LAMTOR3: variants seen among roughly 807,000 people sequenced by gnomAD.
The protein encoded by LAMTOR3 is late endosomal/lysosomal adaptor, MAPK and MTOR activator 3.
A neutral mutation model predicts 20.3 loss-of-function variants in LAMTOR3; 14 were observed. The observed-to-expected ratio is 0.69, with a 90% confidence interval of 0.46 to 1.08. LAMTOR3 has a LOEUF of 1.08. LAMTOR3 is among the 50% of genes least tolerant of loss of function. LAMTOR3 has a pLI of 0.00. For synonymous variants in LAMTOR3, 40 were observed against 49.4 expected (o/e 0.81, Z 0.80); for missense variants, 125 against 143.7 (o/e 0.87, Z 0.67).
At chr4:99,890,430 T>C (rs1725001804) in intron 3 of LAMTOR3, among the ~76,000 whole-genome samples, 1 of 152,222 alleles carries the variant, frequency 6.6e-6, no homozygotes, top group Non-Finnish European at 1.5e-5. Context: ...GTACAACAGT[T>C]AAAAGCATGA....
chr4:99,893,363 C>T (rs553482552), intron 2 of LAMTOR3, among the ~76,000 whole-genome samples: 3 of 152,226 alleles, frequency 2.0e-5, no homozygotes, highest in Admixed American at 6.5e-5. Context: ...AGGAATTTCA[C>T]TGACAATTTA....
chr4:99,884,007 A>G (rs1279998099), intron 6 of LAMTOR3, 55 bp downstream of exon 6: 2 of 1,251,692 alleles, frequency 1.6e-6, no homozygotes, highest in East Asian at 2.4e-5. Context: ...TATGGTAATT[A>G]AATTAATTTT....
rs756359332 is a variant in LAMTOR3 at position 99,884,160 on chromosome 4, A to G, written c.238-35T>C. 4.6e-6 allele frequency: 7 copies of G among 1,512,826 alleles called. No individual in the cohort carries two copies. The Admixed American group carries it at 1.2e-4, about 25-fold the overall frequency. The allele number at this position is 1,512,826 out of a possible 1,614,324, so 93.7% of individuals were successfully genotyped here. ...AAATAAGAGCCAAATAATATGTTGCATTATGAAAAGGTAGTATAACTAAAC... is the reference window on the plus strand; with the variant it reads ...AAATAAGAGCCAAATAATATGTTGCGTTATGAAAAGGTAGTATAACTAAAC... On this transcript the variant is annotated intron_variant, in intron 5 of 6. Coordinates refer to ENST00000499666, the MANE Select transcript of LAMTOR3 (RefSeq NM_021970.4).
intron 2 of LAMTOR3, 103 bp downstream of exon 2, chr4:99,893,852 G>T: frequency 1.1e-6 from 1 of 877,384 alleles, no homozygotes; most frequent in South Asian, 2.5e-5. Context: ...GGGCTGGGAG[G>T]ATCAAAACAA....
intron 3 of LAMTOR3, among the ~76,000 whole-genome samples, chr4:99,888,644 A>G (rs564764264): frequency 5.3e-5 from 8 of 152,354 alleles, no homozygotes; most frequent in South Asian, 2.1e-4. Flanking sequence ...TAACTAAGGA[A>G]TAAGAAATAC....
At chr4:99,884,315 A>ATC (rs1233781198) in intron 5 of LAMTOR3, among the ~76,000 whole-genome samples, 190 bp from the exon 6 acceptor site, 1 of 152,192 alleles carries the variant, frequency 6.6e-6, no homozygotes, top group African/African-American at 2.4e-5. Flanking sequence ...ATTAGTGATG[A>ATC]TCTCTTAGAG....
intron 3 of LAMTOR3, among the ~76,000 whole-genome samples, chr4:99,890,733 A>C (rs945559531): frequency 6.6e-6 from 1 of 152,344 alleles, no homozygotes; most frequent in African/African-American, 2.4e-5. Flanking sequence ...GGATAAGCAC[A>C]ACAACCTGAT....
intron 6 of LAMTOR3, 141 bp downstream of exon 6, chr4:99,883,921 T>C: frequency 1.7e-6 from 1 of 604,522 alleles, no homozygotes; most frequent in East Asian, 2.8e-5. Flanking sequence ...TCCCAAGACA[T>C]GGAAAAAAGA....
intron 2 of LAMTOR3, 138 bp downstream of exon 2, chr4:99,893,817 A>T: frequency 1.7e-6 from 1 of 574,178 alleles, no homozygotes; most frequent in East Asian, 3.1e-5. Flanking sequence ...CAGATATCAG[A>T]GAAAATAATT....
intron 3 of LAMTOR3, among the ~76,000 whole-genome samples, chr4:99,890,348 C>CA (rs1724999976): frequency 1.3e-5 from 2 of 152,066 alleles, no homozygotes; most frequent in African/African-American, 4.8e-5. Context: ...GCAGAGAATT[C>CA]AAAAAACGCA....
chr4:99,893,355 G>A (rs1725059953), intron 2 of LAMTOR3, among the ~76,000 whole-genome samples: 1 of 152,032 alleles, frequency 6.6e-6, no homozygotes, highest in African/African-American at 2.4e-5. Context: ...CTTATCCCAG[G>A]AATTTCACTG....
Position 99,881,607 on chromosome 4 carries a change from T to G in LAMTOR3, c.*387A>C, listed in dbSNP as rs1343507440. On this transcript the variant is annotated 3_prime_UTR_variant, in exon 7 of 7. Coordinates refer to ENST00000499666, the MANE Select transcript of LAMTOR3 (RefSeq NM_021970.4). ...CCTTATTATTATTCACAATAAAAAG[T>G]TGGCTTTATTCTGCAAGCCTGGGCA... is the stretch of plus-strand genomic sequence containing the variant. The G allele has an allele frequency of 6.1e-6, 1 of 164,834 alleles. No individual in the cohort carries two copies. Among genetic ancestry groups the G allele is most frequent in the Non-Finnish European group, 1.3e-5 (1 of 76,796 alleles). 10.2% of individuals were successfully genotyped at this position (164,834 alleles called of 1,614,324 possible). A position where few individuals can be genotyped will look rare whatever the true frequency, so the allele number is the denominator to read the frequency against.
intron 5 of LAMTOR3, among the ~76,000 whole-genome samples, chr4:99,884,566 A>C (rs1724886629): frequency 6.6e-6 from 1 of 151,488 alleles, no homozygotes; most frequent in African/African-American, 2.4e-5. Context: ...AACTACCTTC[A>C]AAAAAAAAGA....
rs984452668 is a variant in LAMTOR3 at position 99,881,827 on chromosome 4, C to G, written c.*167G>C. ...GACCCTACACCAGAAAATATAGCAA[C>G]TGATCTATCTATAAATTACATCTAT... On this transcript the variant is annotated 3_prime_UTR_variant, in exon 7 of 7. Transcript: ENST00000499666. The G allele has an allele frequency of 8.2e-5, 48 of 588,482 alleles. No individual in the cohort carries two copies. The African/African-American group carries it at 9.2e-4, about 11-fold the overall frequency. The allele number at this position is 588,482 out of a possible 1,614,324, so 36.5% of individuals were successfully genotyped here. A position where few individuals can be genotyped will look rare whatever the true frequency, so the allele number is the denominator to read the frequency against.
intron 5 of LAMTOR3, among the ~76,000 whole-genome samples, chr4:99,884,909 G>C (rs1418444769): frequency 1.3e-5 from 2 of 151,830 alleles, no homozygotes; most frequent in Admixed American, 6.6e-5. Context: ...AGGCTGCAGT[G>C]AGCTGAGATC....
intron 6 of LAMTOR3, among the ~76,000 whole-genome samples, chr4:99,882,727 A>C (rs1578201666): frequency 6.6e-6 from 1 of 152,110 alleles, no homozygotes; most frequent in African/African-American, 2.4e-5. Context: ...TATTGAACAA[A>C]GAAAATCAGA....
chr4:99,886,474 T>C (rs923029729), intron 4 of LAMTOR3, among the ~76,000 whole-genome samples: 2 of 152,212 alleles, frequency 1.3e-5, no homozygotes, highest in Non-Finnish European at 2.9e-5. Flanking sequence ...TCAATGTGTA[T>C]TACAGAAATG....
intron 2 of LAMTOR3, among the ~76,000 whole-genome samples, chr4:99,892,507 T>C (rs1342004723): frequency 2.6e-5 from 4 of 152,180 alleles, no homozygotes; most frequent in Admixed American, 2.6e-4. Context: ...TGTAAGACTG[T>C]TGTCTCACGT....
At chr4:99,882,136 C>A in intron 6 of LAMTOR3, 69 bp from the exon 7 acceptor site, 1 of 916,860 alleles carries the variant, frequency 1.1e-6, no homozygotes, top group South Asian at 1.5e-5. Context: ...CTCAGATTTC[C>A]TTATGTCCAA....
Sources: allele counts gnomAD v4.1 joint callset (sites outside exome capture counted in the v4.1 genomes callset), GRCh38; gene constraint gnomAD v4.1.1; transcripts MANE v1.5; gene names NCBI Gene and HGNC (gene_info 2026-07-23, HGNC 2026-07-21).